SLC25A48: variants seen among roughly 807,000 people sequenced by gnomAD.
SLC25A48 encodes CTC-321K16.1.
A neutral mutation model predicts 32.2 loss-of-function variants in SLC25A48; 29 were observed. That is an observed-to-expected ratio of 0.90 (90% CI 0.67 to 1.23). SLC25A48 has a LOEUF of 1.23. Among genes scored for constraint, SLC25A48 ranks in the 50% most tolerant of loss-of-function variants. The probability of loss-of-function intolerance (pLI) is 0.00; values close to 1 mark genes in which losing one functional copy is unlikely to be tolerated. For synonymous variants in SLC25A48, 164 were observed against 172.3 expected (o/e 0.95, Z 0.38); for missense variants, 399 against 422.7 (o/e 0.94, Z 0.49).
chr5:135,834,681 GGCAGCCCGC>G lies in SLC25A48; in HGVS notation c.-160_-152del. ...CTCCGGCACTTGGAGAGGTGAGCGC[GGCAGCCCGC>G]GCAGCCGGTGACTGGGGGACTGGGT... On this transcript the variant is annotated 5_prime_UTR_variant, in exon 1 of 8. Transcript: ENST00000681962. The G allele has an allele frequency of 1.4e-6, 1 of 712,794 alleles. No homozygotes were observed. Among genetic ancestry groups the G allele is most frequent in the Admixed American group, 3.2e-5 (1 of 31,582 alleles). The allele number at this position is 712,794 out of a possible 1,614,324, so 44.2% of individuals were successfully genotyped here.
intron 1 of SLC25A48, among the ~76,000 whole-genome samples, chr5:135,600,874 T>G (rs1436374381): frequency 6.7e-6 from 1 of 149,788 alleles, no homozygotes; most frequent in Non-Finnish European, 1.5e-5. Context: ...GTATTTTTAG[T>G]AGAGACAGGG....
At chr5:135,676,042 G>T (rs972767516) in intron 3 of SLC25A48, among the ~76,000 whole-genome samples, 6 of 151,728 alleles carry the variant, frequency 4.0e-5, no homozygotes, top group African/African-American at 1.5e-4. Context: ...ACTGATTTTT[G>T]TATGTTGATT....
At chr5:135,659,815 G>T (rs1287434680) in intron 3 of SLC25A48, among the ~76,000 whole-genome samples, 2 of 152,184 alleles carry the variant, frequency 1.3e-5, no homozygotes, top group Non-Finnish European at 2.9e-5. Context: ...AAAGTAAAGG[G>T]GGAAGTGCTA....
intron 1 of SLC25A48, among the ~76,000 whole-genome samples, chr5:135,611,530 A>G (rs1345821542): frequency 1.4e-5 from 2 of 146,840 alleles, no homozygotes; most frequent in African/African-American, 5.1e-5. Context: ...AAAAAAAAGA[A>G]AAAGAAAAGA....
chr5:135,888,010 C>T (rs1445413386), intron 7 of SLC25A48, 22 bp from the exon 8 acceptor site: 1 of 1,550,680 alleles, frequency 6.4e-7, no homozygotes, highest in South Asian at 1.2e-5. Flanking sequence ...TTCTCTGAGT[C>T]TGGGTTGTTT....
intron 1 of SLC25A48, among the ~76,000 whole-genome samples, chr5:135,584,069 G>A (rs938837054): frequency 6.6e-6 from 1 of 152,238 alleles, no homozygotes; most frequent in Non-Finnish European, 1.5e-5. Flanking sequence ...CAGCCAGGCA[G>A]TATTGAATTA....
chr5:135,595,070 A>G (rs1030552332), intron 1 of SLC25A48, among the ~76,000 whole-genome samples: 2 of 152,160 alleles, frequency 1.3e-5, no homozygotes, highest in Non-Finnish European at 2.9e-5. Context: ...GGCCTAGGAC[A>G]CTGTCTCAGG....
chr5:135,807,171 A>T (rs1757482188), intron 3 of SLC25A48, among the ~76,000 whole-genome samples: 1 of 150,804 alleles, frequency 6.6e-6, no homozygotes, highest in Non-Finnish European at 1.5e-5. Context: ...CAGATATTTT[A>T]AATATCATGG....
At chr5:135,613,897 T>C (rs570215669) in intron 1 of SLC25A48, among the ~76,000 whole-genome samples, 1 of 152,264 alleles carries the variant, frequency 6.6e-6, no homozygotes, top group Non-Finnish European at 1.5e-5. Flanking sequence ...TTTGTTTCTT[T>C]TGTTCCAGAA....
At chr5:135,886,241 G>T (rs1351734789) in intron 7 of SLC25A48, among the ~76,000 whole-genome samples, 1 of 152,010 alleles carries the variant, frequency 6.6e-6, no homozygotes, top group Non-Finnish European at 1.5e-5. Context: ...CAGGCTGCGG[G>T]CTGGCTCTTC....
intron 2 of SLC25A48, among the ~76,000 whole-genome samples, chr5:135,630,460 T>C (rs1334308881): frequency 6.6e-5 from 10 of 152,130 alleles, no homozygotes; most frequent in Non-Finnish European, 7.4e-5. Flanking sequence ...GACTTGAGCA[T>C]CCAGGGATGG....
intron 4 of SLC25A48, among the ~76,000 whole-genome samples, chr5:135,861,149 A>T (rs1760748654): frequency 6.6e-6 from 1 of 152,174 alleles, no homozygotes; most frequent in Non-Finnish European, 1.5e-5. Flanking sequence ...TAGATTAAAG[A>T]TTTTAAGAAG....
At chr5:135,771,780 C>T (rs1363582946) in intron 3 of SLC25A48, among the ~76,000 whole-genome samples, 1 of 148,546 alleles carries the variant, frequency 6.7e-6, no homozygotes, top group Non-Finnish European at 1.5e-5. Context: ...AGTGGGTGTA[C>T]ATTTTCTTGT....
At chr5:135,627,246 A>G (rs1752459442) in intron 1 of SLC25A48, among the ~76,000 whole-genome samples, 1 of 152,124 alleles carries the variant, frequency 6.6e-6, no homozygotes, top group Admixed American at 6.5e-5. Flanking sequence ...AATAGGAGGC[A>G]CCAATGGGAG....
intron 6 of SLC25A48, chr5:135,876,289 A>G (rs1762050480): frequency 6.6e-6 from 1 of 151,926 alleles, no homozygotes; most frequent in African/African-American, 2.4e-5. Context: ...CATAATTCGT[A>G]AAAAGTCTGT....
chr5:135,743,939 G>A (rs189369954), intron 3 of SLC25A48, among the ~76,000 whole-genome samples: 1 of 152,338 alleles, frequency 6.6e-6, no homozygotes, highest in African/African-American at 2.4e-5. Context: ...TCTGTTAAAT[G>A]TCACATTGAT....
intron 7 of SLC25A48, among the ~76,000 whole-genome samples, chr5:135,882,347 T>C (rs1483344761): frequency 6.6e-6 from 1 of 152,180 alleles, no homozygotes; most frequent in Non-Finnish European, 1.5e-5. Context: ...CTCTGAGATT[T>C]GGGGAAGCCC....
chr5:135,679,121 G>A (rs1753835310), intron 3 of SLC25A48, among the ~76,000 whole-genome samples: 1 of 152,136 alleles, frequency 6.6e-6, no homozygotes, highest in Admixed American at 6.5e-5. Flanking sequence ...GTAGCAGTGA[G>A]ACTAACCTCT....
intron 4 of SLC25A48, among the ~76,000 whole-genome samples, chr5:135,814,911 G>A (rs764728810): frequency 2.0e-5 from 3 of 152,234 alleles, no homozygotes; most frequent in Non-Finnish European, 2.9e-5. Context: ...CCACTGCCTC[G>A]TGAACTGGCA....
Sources: allele counts gnomAD v4.1 joint callset (sites outside exome capture counted in the v4.1 genomes callset), GRCh38; gene constraint gnomAD v4.1.1; transcripts MANE v1.5; gene names NCBI Gene and HGNC (gene_info 2026-07-23, HGNC 2026-07-21).